DLC1: variants seen among roughly 807,000 people sequenced by gnomAD.
DLC1 encodes the protein DLC1 Rho GTPase activating protein, also known as rho GTPase-activating protein 7.
Under a neutral mutation model 140.3 loss-of-function variants are expected in DLC1, and 54 were observed. That is an observed-to-expected ratio of 0.38 (90% CI 0.31 to 0.48). The LOEUF is 0.48. Ranked by LOEUF, DLC1 falls within the 20% of genes least tolerant of loss-of-function variation. The pLI is 0.96. For synonymous variants in DLC1, 986 were observed against 728.1 expected (o/e 1.35, Z -5.70); for missense variants, 2,536 against 1,907.0 (o/e 1.33, Z -6.14).
intron 1 of DLC1, chr8:13,567,722 T>C (rs1804501515): frequency 6.4e-7 from 1 of 1,551,954 alleles, no homozygotes; most frequent in Middle Eastern, 1.7e-4. Context: ...CTCACCCGTA[T>C]TGGAGAAGCA....
intron 4 of DLC1, among the ~76,000 whole-genome samples, chr8:13,334,374 G>A (rs1476949581): frequency 6.6e-6 from 1 of 152,118 alleles, no homozygotes; most frequent in Non-Finnish European, 1.5e-5. Flanking sequence ...CCAGATCTGT[G>A]AGCCCCCCTG....
At chr8:13,178,868 A>G (rs937502899) in intron 5 of DLC1, among the ~76,000 whole-genome samples, 14 of 152,186 alleles carry the variant, frequency 9.2e-5, no homozygotes, top group African/African-American at 3.1e-4. Flanking sequence ...TTGGAAAATT[A>G]CTTGGAAGTA....
intron 5 of DLC1, among the ~76,000 whole-genome samples, chr8:13,172,349 G>A (rs1236249521): frequency 2.6e-5 from 4 of 152,136 alleles, no homozygotes; most frequent in South Asian, 2.1e-4. Flanking sequence ...CCAAAGAAAG[G>A]AAGCCAACAG....
At chr8:13,509,656 T>C (rs1169459489) in intron 1 of DLC1, among the ~76,000 whole-genome samples, 1 of 152,184 alleles carries the variant, frequency 6.6e-6, no homozygotes, top group Non-Finnish European at 1.5e-5. Flanking sequence ...TTAGCAGTAA[T>C]ACAAATGTTG....
chr8:13,508,553 G>T (rs75120268), intron 1 of DLC1, among the ~76,000 whole-genome samples: 7,911 of 152,022 alleles, frequency 0.052, 327 homozygotes, highest in East Asian at 0.17. Flanking sequence ...CAGTAACTGG[G>T]ACTACAGGTG....
At chr8:13,276,262 C>G in intron 5 of DLC1, 1 of 1,535,524 alleles carries the variant, frequency 6.5e-7, no homozygotes, top group Non-Finnish European at 8.7e-7. Flanking sequence ...TGCCTCTCAC[C>G]TGCCAGCCGT....
chr8:13,089,256 T>A (rs1047082071), intron 15 of DLC1, among the ~76,000 whole-genome samples: 35 of 142,088 alleles, frequency 2.5e-4, no homozygotes, highest in Admixed American at 1.6e-3. Flanking sequence ...AAACTCCATC[T>A]CAAAAGAAAA....
chr8:13,275,009 G>A (rs867773297), intron 5 of DLC1, among the ~76,000 whole-genome samples: 2 of 152,094 alleles, frequency 1.3e-5, no homozygotes, highest in African/African-American at 2.4e-5. Context: ...TTGGAAAGTC[G>A]TATTTCTTTA....
intron 5 of DLC1, among the ~76,000 whole-genome samples, chr8:13,124,151 G>A (rs79392891): frequency 0.022 from 3,396 of 152,214 alleles, 116 homozygotes; most frequent in African/African-American, 0.078. Flanking sequence ...TTTCTTCTAA[G>A]CATGAAGAAC....
At chr8:13,182,287 T>G (rs28825968) in intron 5 of DLC1, among the ~76,000 whole-genome samples, 85 of 151,952 alleles carry the variant, frequency 5.6e-4, no homozygotes, top group Admixed American at 9.8e-4. Flanking sequence ...TCACTCTGAT[T>G]GTAGTTTCTT....
chr8:13,110,397 C>T (rs887771088), intron 7 of DLC1, among the ~76,000 whole-genome samples: 2 of 152,166 alleles, frequency 1.3e-5, no homozygotes, highest in Non-Finnish European at 2.9e-5. Flanking sequence ...TGCCACCCCC[C>T]ATTTATTCCT....
chr8:13,229,523 T>C (rs1828949074), intron 5 of DLC1, among the ~76,000 whole-genome samples: 1 of 152,008 alleles, frequency 6.6e-6, no homozygotes, highest in African/African-American at 2.4e-5. Flanking sequence ...ATTACACAAC[T>C]CCATGAATGC....
intron 4 of DLC1, among the ~76,000 whole-genome samples, chr8:13,388,561 C>G (rs1836621215): frequency 6.6e-6 from 1 of 151,842 alleles, no homozygotes; most frequent in Non-Finnish European, 1.5e-5. Flanking sequence ...ATTTGGTTCC[C>G]TTTAAAAATT....
chr8:13,165,015 G>C (rs1350243663), intron 5 of DLC1, among the ~76,000 whole-genome samples: 1 of 152,202 alleles, frequency 6.6e-6, no homozygotes, highest in Non-Finnish European at 1.5e-5. Context: ...AATATGGTAA[G>C]TTGCAGAATG....
At chr8:13,526,292 C>A (rs1311681825) in intron 1 of DLC1, among the ~76,000 whole-genome samples, 1 of 152,112 alleles carries the variant, frequency 6.6e-6, no homozygotes, top group Non-Finnish European at 1.5e-5. Context: ...TTTGGATAAT[C>A]TAGGGCCATT....
chr8:13,305,573 C>G lies in DLC1; in HGVS notation c.1315-271G>C, dbSNP rs150950621. Among the ~76,000 whole-genome samples the G allele has an allele frequency of 9.9e-3, 1,506 of 152,276 alleles. 22 individuals carry two copies. Among genetic ancestry groups the G allele is most frequent in the African/African-American group, 0.034 (1,415 of 41,542 alleles). The stretch of plus-strand genomic sequence containing the variant: ...TGGCAATAGGCTGGGTGTGGTGGTT[C>G]ACACCTGTAATCCCAGAACTTTGGG... On this transcript the variant is annotated intron_variant, in intron 4 of 17. Coordinates refer to ENST00000276297, the MANE Select transcript of DLC1 (RefSeq NM_182643.3).
At chr8:13,128,801 C>CCGCAG (rs1451142883) in intron 5 of DLC1, among the ~76,000 whole-genome samples, 4 of 149,974 alleles carry the variant, frequency 2.7e-5, no homozygotes, top group African/African-American at 9.8e-5. Context: ...CGCCACTGCA[C>CCGCAG]TCCAGCCTGG....
chr8:13,133,034 G>A, intron 5 of DLC1: 2 of 1,584,998 alleles, frequency 1.3e-6, no homozygotes, highest in Non-Finnish European at 1.7e-6. Flanking sequence ...GCAGGCGGAG[G>A]CGGCTCGGCT....
chr8:13,194,427 T>C (rs1826934519), intron 5 of DLC1, among the ~76,000 whole-genome samples: 1 of 152,224 alleles, frequency 6.6e-6, no homozygotes, highest in African/African-American at 2.4e-5. Flanking sequence ...GCTTGCATTT[T>C]TGTAAAGAAT....
Sources: allele counts gnomAD v4.1 joint callset (sites outside exome capture counted in the v4.1 genomes callset), GRCh38; gene constraint gnomAD v4.1.1; transcripts MANE v1.5; gene names NCBI Gene and HGNC (gene_info 2026-07-23, HGNC 2026-07-21).